DYNC1H1: variants seen among roughly 807,000 people sequenced by gnomAD.
DYNC1H1 encodes cytoplasmic dynein 1 heavy chain 1.
A neutral mutation model predicts 527.1 loss-of-function variants in DYNC1H1; 51 were observed. The observed-to-expected ratio is 0.10, with a 90% CI of 0.08 to 0.12. The LOEUF (loss-of-function observed/expected upper bound fraction) is 0.12, where lower values mean the gene tolerates loss of function less well. Ranked by LOEUF, DYNC1H1 falls within the 10% of genes least tolerant of loss-of-function variation. DYNC1H1 has a pLI of 1.00. For missense variants in DYNC1H1, 2,771 were observed against 5,971.8 expected (o/e 0.46, Z 17.66); for synonymous variants, 2,189 against 2,278.8 (o/e 0.96, Z 1.12).
chr14:102,029,077 A>C lies in DYNC1H1; in HGVS notation c.9469-462A>C. 1 of 214,914 alleles carries C rather than the reference A, an allele frequency of 4.7e-6. No individual in the cohort carries two copies. Among genetic ancestry groups the C allele is most frequent in the Non-Finnish European group, 9.5e-6 (1 of 105,762 alleles). The allele number at this position is 214,914 out of a possible 1,614,324, so 13.3% of individuals were successfully genotyped here. On this transcript the variant is annotated intron_variant, in intron 48 of 77. Transcript: ENST00000360184. This position sits in a 1 kb window ranked among gnomAD's most constrained non-coding sequence, Gnocchi z 5.3. ...AGGTGTCCTGCTGCCCAGCCCCTGC[A>C]GGCCATCTCCATTGCCCTTGGAATG...
Position 102,004,642 on chromosome 14 carries a change from A to C in DYNC1H1, c.5008A>C (p.Asn1670His). ...GVSSIILNED[N>H]SVVLGISSRE... ...TTCGAGCATCATCCTGAACGAGGAT[A>C]ACTCTGTTGTTTTGGGTATTTCATC... Residue 1670 changes from asparagine (N) to histidine (H), a missense_variant, in exon 24 of 78, where the codon AAC (asparagine) becomes CAC (histidine). Physicochemically the swap from Asn to His is moderately conservative, Grantham distance 68. Around this residue, in one of 32 missense-constraint regions of DYNC1H1, gnomAD observed 105 missense variants for 138.1 expected, o/e 0.76. Coordinates refer to ENST00000360184, the MANE Select transcript of DYNC1H1 (RefSeq NM_001376.5). 6.2e-7 allele frequency: 1 copy of C among 1,614,242 alleles called. No individual in the cohort carries two copies. Among genetic ancestry groups the C allele is most frequent in the East Asian group, 2.2e-5 (1 of 44,880 alleles).
At position 102,017,719 on chromosome 14, in the gene DYNC1H1, C is replaced by T; in HGVS notation, c.8177+215C>T. On this transcript the variant is annotated intron_variant, in intron 40 of 77. Coordinates refer to ENST00000360184, the MANE Select transcript of DYNC1H1 (RefSeq NM_001376.5). The surrounding 1 kb of genome is among the most constrained non-coding windows in gnomAD (Gnocchi z 4.6). ...CAGTGGCTTACGCCTATAATCCCAG[C>T]ACTTTGGGAGGCCGAGGCGGGCGGA... The T allele has an allele frequency of 3.4e-6, 3 of 872,948 alleles. No homozygotes were observed. The South Asian group carries it at 5.0e-5, about 15-fold the overall frequency. The allele number at this position is 872,948 out of a possible 1,614,324, so 54.1% of individuals were successfully genotyped here.
rs773944980 is a variant in DYNC1H1 at position 102,038,519 on chromosome 14, A to G, written c.10968A>G (p.Thr3656=). 4 of 1,614,042 alleles carry G rather than the reference A, an allele frequency of 2.5e-6. No individual in the cohort carries two copies. Among genetic ancestry groups the G allele is most frequent in the South Asian group, 2.2e-5 (2 of 91,076 alleles). ...TGCTGAACCGTGAAGTGCGGCGAAC[A>G]GGGGGGAGAGTGCTGATCACTCTCG... ...NPVLNREVRR[T]GGRVLITLGD... is the part of the protein sequence containing the mutation. Residue 3656 remains threonine (T), a synonymous_variant, in exon 58 of 78, where the codon ACA becomes ACG. Transcript: ENST00000360184. This position sits in a 1 kb window ranked among gnomAD's most constrained non-coding sequence, Gnocchi z 7.2.
In DYNC1H1 at chr14:102,016,659, C is replaced by T; in HGVS notation, c.7615-107C>T. ...TAGCAAAGAGTGCAGATTAACCTGACCAATTACTTCCTTGTTCTGAAAGTT... is the reference window on the plus strand; with the variant it reads ...TAGCAAAGAGTGCAGATTAACCTGATCAATTACTTCCTTGTTCTGAAAGTT... On this transcript the variant is annotated intron_variant, in intron 37 of 77. Transcript: ENST00000360184. This position sits in a 1 kb window ranked among gnomAD's most constrained non-coding sequence, Gnocchi z 7.3. 6.5e-7 allele frequency: 1 copy of T among 1,529,452 alleles called. No homozygotes were observed. The highest frequency in any genetic ancestry group is 8.9e-7 in the Non-Finnish European group (1 of 1,118,966). The allele number at this position is 1,529,452 out of a possible 1,614,324, so 94.7% of individuals were successfully genotyped here. A position where few individuals can be genotyped will look rare whatever the true frequency, so the allele number is the denominator to read the frequency against.
rs2048364890 is a variant in DYNC1H1, at chr14:102,019,796, C to T, written c.8344-97C>T. 2.7e-6 allele frequency: 4 copies of T among 1,486,964 alleles called. No individual in the cohort carries two copies. In the Admixed American group the frequency reaches 6.7e-5, roughly 25 times the overall value. The allele number at this position is 1,486,964 out of a possible 1,614,324, so 92.1% of individuals were successfully genotyped here. On this transcript the variant is annotated intron_variant, in intron 41 of 77. Transcript: ENST00000360184. Reference sequence around the variant, plus strand: ...TCTTAAATATTTCAGGGTCTAGGTTCTTTAATGTAAACATGTTTTGCCACA... The same window carrying T: ...TCTTAAATATTTCAGGGTCTAGGTTTTTTAATGTAAACATGTTTTGCCACA...
intron 5 of DYNC1H1, among the ~76,000 whole-genome samples, chr14:101,982,771 T>A (rs1356906850): frequency 7.0e-6 from 1 of 143,454 alleles, no homozygotes; most frequent in African/African-American, 2.6e-5. Context: ...CAAAGCATGG[T>A]AAATTCTCTG....
chr14:102,035,721 G>A (rs1316354573), intron 56 of DYNC1H1: 2 of 152,262 alleles, frequency 1.3e-5, no homozygotes, highest in Non-Finnish European at 2.9e-5. Flanking sequence ...GGCCTCCCAC[G>A]AGGCCACAAC....
chr14:101,999,412 G>C (rs574336800), intron 16 of DYNC1H1, among the ~76,000 whole-genome samples: 11 of 152,342 alleles, frequency 7.2e-5, no homozygotes, highest in Non-Finnish European at 1.6e-4. Context: ...CAAAGTGCTA[G>C]GATTACAGGC....
At chr14:102,047,605 A>G (rs2048737793) in intron 72 of DYNC1H1, 1 of 378,138 alleles carries the variant, frequency 2.6e-6, no homozygotes, top group Non-Finnish European at 4.6e-6. Flanking sequence ...ATATACACAT[A>G]TATGTATATA....
chr14:101,984,372 T>C (rs1487205632), intron 7 of DYNC1H1, among the ~76,000 whole-genome samples: 1 of 150,080 alleles, frequency 6.7e-6, no homozygotes, highest in Non-Finnish European at 1.5e-5. Flanking sequence ...CTGTATTGTG[T>C]GTGTGTGTGT....
chr14:102,025,367 T>G (rs1053953568), intron 43 of DYNC1H1, among the ~76,000 whole-genome samples: 3 of 151,084 alleles, frequency 2.0e-5, no homozygotes, highest in Non-Finnish European at 4.4e-5. Flanking sequence ...ATCGCGCCAT[T>G]GCACTCTAGC....
chr14:102,036,720 A>G lies in DYNC1H1; in HGVS notation c.10908+78A>G. 1 of 1,534,988 alleles carries G rather than the reference A, an allele frequency of 6.5e-7. No individual in the cohort carries two copies. The highest frequency in any genetic ancestry group is 1.4e-5 in the African/African-American group (1 of 73,260). On this transcript the variant is annotated intron_variant, in intron 57 of 77. Transcript: ENST00000360184. This position sits in a 1 kb window ranked among gnomAD's most constrained non-coding sequence, Gnocchi z 5.6. ...TTTTGGGGGCTGCCTTTAGTTTTCA[A>G]CTTTGTAAGACTTCATTTTGTATCA...
At chr14:102,014,309 G>A (rs1406776328) in intron 34 of DYNC1H1, among the ~76,000 whole-genome samples, 1 of 152,100 alleles carries the variant, frequency 6.6e-6, no homozygotes, top group Non-Finnish European at 1.5e-5. Context: ...CAAGGCAGGT[G>A]GATCATCTGT....
rs199690520 is a variant in DYNC1H1 at position 102,030,329 on chromosome 14, C to T, written c.9883+47C>T. ...TTTGATGTCTAGGAAGGGTGGTCTCCGTCAACATTACTGTGGAGTTCAGGT... is the reference window on the plus strand; with the variant it reads ...TTTGATGTCTAGGAAGGGTGGTCTCTGTCAACATTACTGTGGAGTTCAGGT... On this transcript the variant is annotated intron_variant, in intron 51 of 77. Transcript: ENST00000360184. 9.3e-6 allele frequency: 15 copies of T among 1,613,540 alleles called. 1 individual carries two copies. The highest frequency in any genetic ancestry group is 6.6e-5 in the South Asian group (6 of 91,004).
chr14:102,000,475 GT>G, intron 18 of DYNC1H1, 76 bp downstream of exon 18: 1 of 1,361,494 alleles, frequency 7.3e-7, no homozygotes, highest in Non-Finnish European at 1.0e-6. Flanking sequence ...GACAAGCCAA[GT>G]TTGTGTATTT....
intron 4 of DYNC1H1, 78 bp from the exon 5 acceptor site, chr14:101,980,286 T>C: frequency 6.6e-7 from 1 of 1,524,054 alleles, no homozygotes; most frequent in Non-Finnish European, 9.1e-7. Context: ...TGAGTTGTAA[T>C]GCATGTGTTT....
chr14:102,019,890 T>C lies in DYNC1H1; in HGVS notation c.8344-3T>C. The C allele has an allele frequency of 6.2e-7, 1 of 1,614,218 alleles. No individual in the cohort carries two copies. The highest frequency in any genetic ancestry group is 8.5e-7 in the Non-Finnish European group (1 of 1,180,036). ...GTACCTTCCATTTTTCTCATTGCCA[T>C]AGGAGAGATTCACCCAGGATACACA... is the stretch of plus-strand genomic sequence containing the variant. On this transcript the variant is annotated splice_region_variant and splice_polypyrimidine_tract_variant and intron_variant, in intron 41 of 77. Transcript: ENST00000360184.
rs1172838845 is a variant in DYNC1H1, at chr14:102,033,999, G to A, written c.10437G>A (p.Leu3479=). 1.9e-6 allele frequency: 3 copies of A among 1,613,852 alleles called. No homozygotes were observed. Among genetic ancestry groups the A allele is most frequent in the Non-Finnish European group, 2.5e-6 (3 of 1,180,036 alleles). ...AGGTAAACCGGAGCACTGCTCTTCTGAAGAGCTTGTCTGCTGAACGTGAAC... is the reference window on the plus strand; with the variant it reads ...AGGTAAACCGGAGCACTGCTCTTCTAAAGAGCTTGTCTGCTGAACGTGAAC... ...EAKVNRSTAL[L]KSLSAERERW... Residue 3479 remains leucine (L), a synonymous_variant, in exon 55 of 78, where the codon CTG becomes CTA. Transcript: ENST00000360184. This position sits in a 1 kb window ranked among gnomAD's most constrained non-coding sequence, Gnocchi z 5.6.
chr14:101,968,103 T>C (rs1053154193), intron 1 of DYNC1H1, among the ~76,000 whole-genome samples: 3 of 152,168 alleles, frequency 2.0e-5, no homozygotes, highest in African/African-American at 7.2e-5. Context: ...CAAGGACCAT[T>C]TTTTGGTTGT....
Sources: allele counts gnomAD v4.1 joint callset (sites outside exome capture counted in the v4.1 genomes callset), GRCh38; gene constraint gnomAD v4.1.1; regional missense constraint gnomAD v4.1.1; non-coding constraint Gnocchi (gnomAD v3.1); transcripts MANE v1.5; gene names NCBI Gene and HGNC (gene_info 2026-07-23, HGNC 2026-07-21).